RHBDD1: variants seen among roughly 807,000 people sequenced by gnomAD.
The protein encoded by RHBDD1 is rhomboid-related protein 4.
RHBDD1 carries 38 observed loss-of-function variants against 36.3 expected under a neutral mutation model. That is an observed-to-expected ratio of 1.05 (90% CI 0.81 to 1.37). The LOEUF (loss-of-function observed/expected upper bound fraction) is 1.37. Among genes scored for constraint, RHBDD1 ranks in the 40% most tolerant of loss-of-function variants. RHBDD1 has a pLI of 0.00. For synonymous variants in RHBDD1, 151 were observed against 136.5 expected (o/e 1.11, Z -0.74); for missense variants, 393 against 377.6 (o/e 1.04, Z -0.34).
intron 8 of RHBDD1, among the ~76,000 whole-genome samples, chr2:226,946,281 G>C (rs1014260674): frequency 1.3e-5 from 2 of 152,006 alleles, no homozygotes; most frequent in Non-Finnish European, 2.9e-5. Flanking sequence ...TATGGTTTTA[G>C]GTCTTATGTT....
At position 226,851,999 on chromosome 2, in the gene RHBDD1, C is replaced by T. The variant is rs75193983; in HGVS notation, c.-91+12372C>T. ...CTCCTCCTCAGTGGCAAGGCCAGCA[C>T]GGTTGCTGAAGTCCTCAGTTTAGCC... is the stretch of plus-strand genomic sequence containing the variant. On this transcript the variant is annotated intron_variant, in intron 3 of 8. Coordinates refer to ENST00000392062, the MANE Select transcript of RHBDD1 (RefSeq NM_001167608.3). Among the ~76,000 whole-genome samples, 60 of 152,328 alleles carry T rather than the reference C, an allele frequency of 3.9e-4. No individual in the cohort carries two copies. In the East Asian group the frequency reaches 8.9e-3, roughly 23 times the overall value.
At chr2:226,892,630 A>G (rs1470440662) in intron 5 of RHBDD1, among the ~76,000 whole-genome samples, 4 of 152,210 alleles carry the variant, frequency 2.6e-5, no homozygotes, top group African/African-American at 9.6e-5. Context: ...AGTAAGACCA[A>G]CTTACCAAGA....
chr2:226,905,369 G>A (rs1259401235), intron 5 of RHBDD1, among the ~76,000 whole-genome samples: 4 of 152,100 alleles, frequency 2.6e-5, no homozygotes, highest in Non-Finnish European at 5.9e-5. Context: ...TCTTCAACTG[G>A]GGTGGCATTT....
intron 8 of RHBDD1, among the ~76,000 whole-genome samples, chr2:226,982,402 T>A (rs189953158): frequency 2.0e-5 from 3 of 152,356 alleles, no homozygotes; most frequent in African/African-American, 7.2e-5. Context: ...TGCATTGATA[T>A]TGGTATTTCT....
intron 8 of RHBDD1, among the ~76,000 whole-genome samples, chr2:226,984,832 T>G (rs1956570345): frequency 6.6e-6 from 1 of 151,032 alleles, no homozygotes; most frequent in Non-Finnish European, 1.5e-5. Flanking sequence ...TAGACAGCAG[T>G]GTGCACTCTG....
At chr2:226,815,402 C>G in the RHBDD1 span, among the ~76,000 whole-genome samples, 1 of 152,156 alleles carries the variant, frequency 6.6e-6, no homozygotes, top group Non-Finnish European at 1.5e-5. Context: ...TGGAATCCTA[C>G]TTTTTATGTA....
chr2:226,959,257 A>G (rs1239804690), intron 8 of RHBDD1, among the ~76,000 whole-genome samples: 1 of 152,226 alleles, frequency 6.6e-6, no homozygotes, highest in Non-Finnish European at 1.5e-5. Flanking sequence ...CAAGCTATAC[A>G]GTTATTAATT....
At chr2:226,978,440 A>G (rs1262459741) in intron 8 of RHBDD1, among the ~76,000 whole-genome samples, 1 of 152,174 alleles carries the variant, frequency 6.6e-6, no homozygotes, top group Non-Finnish European at 1.5e-5. Context: ...CTGGGCTTGG[A>G]TCTGACCCCT....
chr2:226,805,673 A>G, the RHBDD1 span, among the ~76,000 whole-genome samples: 3 of 152,236 alleles, frequency 2.0e-5, no homozygotes, highest in Admixed American at 2.0e-4. Flanking sequence ...ATTTAAATTT[A>G]TATTTAAAAT....
intron 8 of RHBDD1, among the ~76,000 whole-genome samples, chr2:226,937,045 T>C (rs1950376427): frequency 6.6e-6 from 1 of 152,162 alleles, no homozygotes; most frequent in Non-Finnish European, 1.5e-5. Context: ...TATAATACAG[T>C]GATTTAGATA....
intron 8 of RHBDD1, among the ~76,000 whole-genome samples, chr2:226,947,386 C>T (rs1265325220): frequency 1.3e-5 from 2 of 151,924 alleles, no homozygotes; most frequent in Non-Finnish European, 1.5e-5. Context: ...TTATTTTTCT[C>T]AGGTTTGTCA....
intron 8 of RHBDD1, among the ~76,000 whole-genome samples, chr2:226,994,994 C>T (rs1959081446): frequency 6.6e-6 from 1 of 151,606 alleles, no homozygotes; most frequent in South Asian, 2.1e-4. Context: ...GGAGGCGGCA[C>T]ATTAGAGGGA....
chr2:226,872,656 A>C (rs1182613407), intron 5 of RHBDD1, among the ~76,000 whole-genome samples: 5 of 152,200 alleles, frequency 3.3e-5, no homozygotes, highest in African/African-American at 9.6e-5. Context: ...ATTGACCTTT[A>C]GTGGCAAAGT....
intron 6 of RHBDD1, among the ~76,000 whole-genome samples, chr2:226,907,352 A>G (rs1948142647): frequency 1.3e-5 from 2 of 152,216 alleles, no homozygotes; most frequent in Admixed American, 6.5e-5. Context: ...ATATTCATGC[A>G]TGGCGAAACC....
At chr2:226,910,465 T>C (rs1199356868) in intron 7 of RHBDD1, among the ~76,000 whole-genome samples, 1 of 152,164 alleles carries the variant, frequency 6.6e-6, no homozygotes, top group East Asian at 1.9e-4. Flanking sequence ...ATTCTTAATA[T>C]GGCTGTCCTT....
At chr2:226,820,644 CA>C in the RHBDD1 span, among the ~76,000 whole-genome samples, 4,197 of 63,268 alleles carry the variant, frequency 0.066, 9 homozygotes, top group Middle Eastern at 0.11. Flanking sequence ...TCCATCTCCA[CA>C]AAAAAAAAAA....
At chr2:226,943,042 A>C (rs1271699102) in intron 8 of RHBDD1, among the ~76,000 whole-genome samples, 1 of 152,178 alleles carries the variant, frequency 6.6e-6, no homozygotes, top group Non-Finnish European at 1.5e-5. Context: ...CTGGTGAGAA[A>C]AACCAAGAGT....
the RHBDD1 span, among the ~76,000 whole-genome samples, chr2:226,803,872 G>A: frequency 3.3e-5 from 5 of 152,192 alleles, no homozygotes; most frequent in East Asian, 3.8e-4. Flanking sequence ...TCTCAAACCC[G>A]AGGATCTTGT....
chr2:226,895,566 C>G, intron 5 of RHBDD1: 1 of 527,340 alleles, frequency 1.9e-6, no homozygotes, highest in Middle Eastern at 9.3e-4. Flanking sequence ...ACCTCTGTGC[C>G]CAATTAAGGG....
Sources: allele counts gnomAD v4.1 joint callset (sites outside exome capture counted in the v4.1 genomes callset), GRCh38; gene constraint gnomAD v4.1.1; transcripts MANE v1.5; gene names NCBI Gene and HGNC (gene_info 2026-07-23, HGNC 2026-07-21).